Variants in GNAT2 observed in about 807,000 individuals in gnomAD.
GNAT2 encodes guanine nucleotide-binding protein G(t) subunit alpha-2.
In GNAT2, 32 loss-of-function variants were observed where a neutral mutation model predicts 40.9. That is an observed-to-expected ratio of 0.78 (90% CI 0.59 to 1.05). GNAT2 has a LOEUF of 1.05. Among genes scored for constraint, GNAT2 ranks in the 50% least tolerant of loss-of-function variants. The pLI, the probability that GNAT2 is intolerant of heterozygous loss-of-function variation, is 0.00. For synonymous variants in GNAT2, 141 were observed against 157.2 expected (o/e 0.90, Z 0.77); for missense variants, 355 against 431.5 (o/e 0.82, Z 1.57).
At chr1:109,606,278 C>T in intron 6 of GNAT2, 30 bp downstream of exon 6, 1 of 1,612,624 alleles carries the variant, frequency 6.2e-7, no homozygotes, top group Non-Finnish European at 8.5e-7. Flanking sequence ...ACACGTGTAT[C>T]CGAGATGCCC....
In GNAT2 at chr1:109,603,137, CCTGGGGGGT is replaced by C; in HGVS notation, c.*208_*216del. 4 of 188,172 alleles carry C rather than the reference CCTGGGGGGT, an allele frequency of 2.1e-5. No individual in the cohort carries two copies. Among genetic ancestry groups the C allele is most frequent in the Non-Finnish European group, 2.1e-5 (2 of 94,754 alleles). 11.7% of individuals were successfully genotyped at this position (188,172 alleles called of 1,614,324 possible). A position where few individuals can be genotyped will look rare whatever the true frequency, so the allele number is the denominator to read the frequency against. ...TTAAGTTGGAAAACCAGTACTGGAA[CCTGGGGGGT>C]CTTCTAACTACTGGCCTGTGCTCTT... On this transcript the variant is annotated 3_prime_UTR_variant, in exon 9 of 9. Transcript: ENST00000679935.
chr1:109,610,310 G>A, intron 3 of GNAT2, 129 bp from the exon 4 acceptor site: 1 of 1,243,824 alleles, frequency 8.0e-7, no homozygotes, highest in South Asian at 1.2e-5. Flanking sequence ...TCAAAGTGGA[G>A]GGTGAGGGAC....
chr1:109,610,614 G>C, intron 2 of GNAT2, 107 bp from the exon 3 acceptor site: 3 of 886,550 alleles, frequency 3.4e-6, no homozygotes, highest in South Asian at 2.7e-5. Flanking sequence ...GGTCTTGTTA[G>C]GGGAGAATAC....
chr1:109,603,942 G>T lies in GNAT2; in HGVS notation c.874+9C>A. The T allele has an allele frequency of 1.9e-6, 3 of 1,586,244 alleles. No homozygotes were observed. The highest frequency in any genetic ancestry group is 2.2e-5 in the South Asian group (2 of 90,410). ...GGCATTATTATTATTTCCAGCCCCT[G>T]ACACTTACCATCATACTCTGGAAAA... On this transcript the variant is annotated intron_variant, in intron 8 of 8. Coordinates refer to ENST00000679935, the MANE Select transcript of GNAT2 (RefSeq NM_001377295.2).
At chr1:109,611,728 A>G (rs1319726833) in intron 2 of GNAT2, 2 of 152,128 alleles carry the variant, frequency 1.3e-5, no homozygotes, top group Non-Finnish European at 2.9e-5. Flanking sequence ...AAATCTGCTT[A>G]GGCTTAAAAG....
At chr1:109,613,687 G>A (rs1649867407) in intron 1 of GNAT2, 1 of 152,322 alleles carries the variant, frequency 6.6e-6, no homozygotes, top group Admixed American at 6.5e-5. Flanking sequence ...TAGTTTATTT[G>A]TGGATCAAAA....
At chr1:109,606,210 TTTAGA>T (rs1222034092) in intron 6 of GNAT2, 93 bp downstream of exon 6, 84 of 1,571,726 alleles carry the variant, frequency 5.3e-5, no homozygotes, top group Non-Finnish European at 6.6e-5. Flanking sequence ...AGAACAGTAA[TTTAGA>T]TTAGGCTTCA....
chr1:109,615,899 TA>T (rs1649941243), intron 1 of GNAT2: 6 of 152,286 alleles, frequency 3.9e-5, no homozygotes, highest in Non-Finnish European at 8.8e-5. Context: ...GCATGAACTC[TA>T]TAACAGCAGC....
In GNAT2 at chr1:109,604,018, G is replaced by A; in HGVS notation, c.807C>T (p.Asn269=). 1 of 1,607,782 alleles carries A rather than the reference G, an allele frequency of 6.2e-7. No homozygotes were observed. Among genetic ancestry groups the A allele is most frequent in the East Asian group, 2.2e-5 (1 of 44,856 alleles). Residue 269 remains asparagine (N), a synonymous_variant, in exon 8 of 9, where the codon AAC becomes AAT. Transcript: ENST00000679935. ...TTTTTTCCTCAAAGAGGTCCTTCTTGTTGAGAAAGAGGACAATGGAAGTAG... is the reference window on the plus strand; with the variant it reads ...TTTTTTCCTCAAAGAGGTCCTTCTTATTGAGAAAGAGGACAATGGAAGTAG... ...FAATSIVLFL[N]KKDLFEEKIK...
rs538515410 is a variant in GNAT2 at position 109,609,980 on chromosome 1, A to G, written c.303+60T>C. ...TCCATATAGTTTGTTGGCCTCTGGT[A>G]TGTTTCTTCTTGCTAGCCTTTCTGC... On this transcript the variant is annotated intron_variant, in intron 4 of 8. Transcript: ENST00000679935. The G allele has an allele frequency of 8.3e-4, 1,272 of 1,527,008 alleles. 8 individuals are homozygous for G. The highest frequency in any genetic ancestry group is 1.0e-4 in the Non-Finnish European group (111 of 1,101,910). The allele number at this position is 1,527,008 out of a possible 1,614,324, so 94.6% of individuals were successfully genotyped here.
chr1:109,608,315 A>G, intron 5 of GNAT2: 1 of 416,486 alleles, frequency 2.4e-6, no homozygotes. Flanking sequence ...CTTAGTGTAC[A>G]CCTCAATTAA....
intron 8 of GNAT2, 57 bp downstream of exon 8, chr1:109,603,894 A>T: frequency 7.8e-7 from 1 of 1,281,492 alleles, no homozygotes; most frequent in Non-Finnish European, 1.1e-6. Context: ...AAAAAATGAG[A>T]CAATTGCCAG....
intron 8 of GNAT2, 26 bp from the exon 9 acceptor site, chr1:109,603,570 AAGT>A (rs746404126): frequency 3.4e-6 from 5 of 1,453,314 alleles, no homozygotes; most frequent in Admixed American, 1.7e-5. Flanking sequence ...AATAGTGAAA[AAGT>A]AGAATAAATG....
intron 1 of GNAT2, chr1:109,614,467 G>C (rs566858610): frequency 2.0e-5 from 3 of 152,246 alleles, no homozygotes; most frequent in Non-Finnish European, 4.4e-5. Flanking sequence ...TATCACATCT[G>C]TGAAGTTTGA....
chr1:109,612,695 C>T (rs951430058), intron 2 of GNAT2, 58 bp downstream of exon 2: 1 of 1,071,696 alleles, frequency 9.3e-7, no homozygotes, highest in Admixed American at 1.7e-5. Flanking sequence ...CCCACCAACC[C>T]TTCAGGAAAG....
chr1:109,608,680 C>T lies in GNAT2; in HGVS notation c.412G>A (p.Ala138Thr), dbSNP rs756332145. 3.7e-6 allele frequency: 6 copies of T among 1,614,120 alleles called. 1 individual carries two copies. The South Asian group carries it at 6.6e-5, about 18-fold the overall frequency. ...RRLWKDGGVQ[A>T]CFERAAEYQL... ...TATTCTGCAGCTCTCTCGAAGCAGG[C>T]TTGCACCCCACCATCCTTCCACAAC... Residue 138 changes from alanine (A) to threonine (T), a missense_variant, in exon 5 of 9, where the codon GCC becomes ACC. Transcript: ENST00000679935.
intron 1 of GNAT2, chr1:109,615,076 T>A (rs1649911880): frequency 6.6e-6 from 1 of 152,214 alleles, no homozygotes; most frequent in South Asian, 2.1e-4. Context: ...GAACTATTAA[T>A]AATTATTATG....
At chr1:109,605,501 C>T (rs541103185) in intron 7 of GNAT2, 59 of 275,448 alleles carry the variant, frequency 2.1e-4, no homozygotes, top group Admixed American at 1.8e-3. Flanking sequence ...TAAACTCCTA[C>T]GGACAGTACA....
chr1:109,605,010 G>GT (rs1164439314), intron 7 of GNAT2: 2 of 152,228 alleles, frequency 1.3e-5, no homozygotes, highest in Non-Finnish European at 2.9e-5. Context: ...GAATAGCTCT[G>GT]TAAGACATTT....
Sources: gnomAD v4.1 joint callset for allele counts on GRCh38, gnomAD v4.1.1 for gene constraint, MANE v1.5 for transcripts, NCBI Gene and HGNC (gene_info 2026-07-23, HGNC 2026-07-21) for gene names.